SINHCAF: variants seen among roughly 807,000 people sequenced by gnomAD.
The protein encoded by SINHCAF is SIN3-HDAC complex associated factor, also known as SIN3-HDAC complex-associated factor.
Under a neutral mutation model 25.8 loss-of-function variants are expected in SINHCAF, and 3 were observed. The ratio of observed to expected loss-of-function variants is 0.12; its 90% CI spans 0.05 to 0.30. The LOEUF (loss-of-function observed/expected upper bound fraction) is 0.30, where lower values mean the gene tolerates loss of function less well. Among genes scored for constraint, SINHCAF ranks in the 10% least tolerant of loss-of-function variants. The pLI is 1.00. For missense variants in SINHCAF, 121 were observed against 262.3 expected (o/e 0.46, Z 3.72); for synonymous variants, 70 against 85.5 (o/e 0.82, Z 1.00).
In SINHCAF at chr12:31,289,683, C is replaced by T. The variant is rs1442008871; in HGVS notation, c.356-1899G>A. Among the ~76,000 whole-genome samples, 9 of 152,102 alleles carry T rather than the reference C, an allele frequency of 5.9e-5. No individual in the cohort carries two copies. The South Asian group carries it at 1.7e-3, about 28-fold the overall frequency. ...CATACACCTTGCCCATCCCAGGACA[C>T]GTTGACAGAGCAATCCTTCCATTCA... On this transcript the variant is annotated intron_variant, in intron 4 of 5. Transcript: ENST00000337682.
rs933305249 is a variant in SINHCAF, at chr12:31,325,637, C to T, written c.-21+387G>A. ...GGTGGCCAACGAGTCGCTTTCCTCT[C>T]GGGCCTTTCGGCCGCCGGGCTCCTT... is the stretch of plus-strand genomic sequence containing the variant. On this transcript the variant is annotated intron_variant, in intron 1 of 5. Transcript: ENST00000337682. The surrounding 1 kb of genome is among the most constrained non-coding windows in gnomAD (Gnocchi z 5.9). The T allele has an allele frequency of 5.5e-5, 10 of 181,948 alleles. No homozygotes were observed. In the South Asian group the frequency reaches 9.0e-4, roughly 16 times the overall value. The allele number at this position is 181,948 out of a possible 1,614,324, so 11.3% of individuals were successfully genotyped here.
intron 1 of SINHCAF, among the ~76,000 whole-genome samples, chr12:31,309,845 T>C (rs1176959181): frequency 6.6e-6 from 1 of 151,984 alleles, no homozygotes; most frequent in Non-Finnish European, 1.5e-5. Flanking sequence ...TTGTATTTTC[T>C]TAGTAGAGAT....
At chr12:31,314,198 G>GA (rs1939403631) in intron 1 of SINHCAF, among the ~76,000 whole-genome samples, 2 of 151,968 alleles carry the variant, frequency 1.3e-5, no homozygotes, top group East Asian at 1.9e-4. Flanking sequence ...GGCAGAAGAA[G>GA]AAAAATCAGA....
chr12:31,291,472 G>C (rs1166909770), intron 4 of SINHCAF, among the ~76,000 whole-genome samples: 1 of 152,022 alleles, frequency 6.6e-6, no homozygotes, highest in Non-Finnish European at 1.5e-5. Flanking sequence ...GTCTTGAAAA[G>C]GGAATACAGG....
At chr12:31,291,566 C>T (rs1565491232) in intron 4 of SINHCAF, among the ~76,000 whole-genome samples, 1 of 152,200 alleles carries the variant, frequency 6.6e-6, no homozygotes, top group Non-Finnish European at 1.5e-5. Context: ...GAGTTCAAGA[C>T]CAGCCTGGCC....
Position 31,295,415 on chromosome 12 carries a change from CTG to C in SINHCAF, c.129-84_129-83del, listed in dbSNP as rs774985580. The C allele has an allele frequency of 9.5e-5, 83 of 876,628 alleles. No individual in the cohort carries two copies. The African/African-American group carries it at 1.3e-3, about 14-fold the overall frequency. 54.3% of individuals were successfully genotyped at this position (876,628 alleles called of 1,614,324 possible). ...AAGCACATTTCTTTTGGGGAAAAAA[CTG>C]TATCTATGTATGGTTTATAGATACA... On this transcript the variant is annotated intron_variant, in intron 2 of 5. Coordinates refer to ENST00000337682, the MANE Select transcript of SINHCAF (RefSeq NM_001135812.2).
At chr12:31,316,321 CA>C (rs1939493394) in intron 1 of SINHCAF, among the ~76,000 whole-genome samples, 1 of 151,740 alleles carries the variant, frequency 6.6e-6, no homozygotes, top group Non-Finnish European at 1.5e-5. Flanking sequence ...TATATATAAA[CA>C]AAAAAATAAA....
In SINHCAF at chr12:31,283,855, T is replaced by TACATAC. The variant is rs1555110509; in HGVS notation, c.507-985_507-984insGTATGT. ...CTAATCATACTGCACAGTTATCCAT[T>TACATAC]ACACACACACACACACACACACACA... On this transcript the variant is annotated intron_variant, in intron 5 of 5. Transcript: ENST00000337682. 2.1e-4 allele frequency among the ~76,000 whole-genome samples: 30 copies of TACATAC among 140,574 alleles called. No homozygotes were observed. The South Asian group carries it at 6.4e-3, about 30-fold the overall frequency. 92.2% of individuals were successfully genotyped at this position (140,574 alleles called of 152,430 possible).
At chr12:31,323,961 T>C in intron 1 of SINHCAF, 1 of 455,570 alleles carries the variant, frequency 2.2e-6, no homozygotes, top group South Asian at 1.5e-5. Context: ...AAATCGTGCT[T>C]CCCCCTCGGG....
chr12:31,301,217 A>T (rs979777085), intron 1 of SINHCAF, among the ~76,000 whole-genome samples: 5 of 152,204 alleles, frequency 3.3e-5, no homozygotes, highest in Non-Finnish European at 7.3e-5. Context: ...TTCCTCTTCA[A>T]TGATTTTTTT....
rs536707826 is a variant in SINHCAF at position 31,310,411 on chromosome 12, A to C, written c.-20-12187T>G. Among the ~76,000 whole-genome samples, 280 of 152,128 alleles carry C rather than the reference A, an allele frequency of 1.8e-3. 4 individuals carry two copies. Among genetic ancestry groups the C allele is most frequent in the Non-Finnish European group, 2.5e-3 (171 of 68,022 alleles). ...TGAAAACCCCCTATTTCCTCAGAGG[A>C]GTCCTAGTTTTCCAGTTTATCATCC... is the stretch of plus-strand genomic sequence containing the variant. On this transcript the variant is annotated intron_variant, in intron 1 of 5. Transcript: ENST00000337682.
Position 31,324,864 on chromosome 12 carries a change from C to T in SINHCAF, c.-21+1160G>A, listed in dbSNP as rs1370303235. ...CCTTGATGAGAAACGCCCGGAGTAT[C>T]CGCCCCGCACGGGCGGAGAGTTGGC... is the stretch of plus-strand genomic sequence containing the variant. On this transcript the variant is annotated intron_variant, in intron 1 of 5. Transcript: ENST00000337682. This position sits in a 1 kb window ranked among gnomAD's most constrained non-coding sequence, Gnocchi z 5.5. The T allele has an allele frequency of 4.7e-6, 2 of 423,240 alleles. No individual in the cohort carries two copies. The highest frequency in any genetic ancestry group is 9.6e-6 in the Non-Finnish European group (2 of 208,936). The allele number at this position is 423,240 out of a possible 1,614,324, so 26.2% of individuals were successfully genotyped here.
chr12:31,320,015 T>C (rs1486697242), intron 1 of SINHCAF, among the ~76,000 whole-genome samples: 1 of 152,192 alleles, frequency 6.6e-6, no homozygotes, highest in East Asian at 1.9e-4. Context: ...AAATTCTGTT[T>C]CTTCCTTCAC....
chr12:31,292,555 T>C (rs1022582109), intron 4 of SINHCAF, among the ~76,000 whole-genome samples: 2 of 151,722 alleles, frequency 1.3e-5, no homozygotes, highest in East Asian at 3.9e-4. Flanking sequence ...TAGAGTTAAA[T>C]CTTTAGGGAG....
intron 1 of SINHCAF, among the ~76,000 whole-genome samples, chr12:31,322,142 A>G (rs2137142241): frequency 1.3e-5 from 2 of 152,352 alleles, no homozygotes; most frequent in African/African-American, 2.4e-5. Flanking sequence ...CAAAAGCAAT[A>G]CAAAGAGAAG....
chr12:31,292,582 TG>T (rs1938372061), intron 4 of SINHCAF, among the ~76,000 whole-genome samples: 2 of 152,062 alleles, frequency 1.3e-5, no homozygotes, highest in African/African-American at 2.4e-5. Flanking sequence ...GGTTGAGAGC[TG>T]GTTAGGAAAG....
At chr12:31,299,892 T>C (rs1044485510) in intron 1 of SINHCAF, among the ~76,000 whole-genome samples, 2 of 152,210 alleles carry the variant, frequency 1.3e-5, no homozygotes, top group African/African-American at 2.4e-5. Flanking sequence ...AACAAACTTA[T>C]ACAGCGTGTG....
At chr12:31,286,908 GGTTTGTTT>G (rs368993075) in intron 5 of SINHCAF, among the ~76,000 whole-genome samples, 6 of 152,144 alleles carry the variant, frequency 3.9e-5, no homozygotes, top group South Asian at 4.2e-4. Flanking sequence ...TGCCTATTGT[GGTTTGTTT>G]GTTTGTTTGT....
At chr12:31,318,136 C>T (rs1227407103) in intron 1 of SINHCAF, among the ~76,000 whole-genome samples, 1 of 152,160 alleles carries the variant, frequency 6.6e-6, no homozygotes, top group African/African-American at 2.4e-5. Flanking sequence ...GTAACTGGAG[C>T]AACACTTTTC....
Sources: gnomAD v4.1 joint callset for allele counts (sites outside exome capture counted in the v4.1 genomes callset) on GRCh38, gnomAD v4.1.1 for gene constraint, Gnocchi (gnomAD v3.1) non-coding constraint, MANE v1.5 for transcripts, NCBI Gene and HGNC (gene_info 2026-07-23, HGNC 2026-07-21) for gene names.